MYOF: variants seen among roughly 807,000 people sequenced by gnomAD.
The protein encoded by MYOF is fer-1-like 3, myoferlin.
MYOF carries 244 observed loss-of-function variants against 284.2 expected under a neutral mutation model. That is an observed-to-expected ratio of 0.86 (90% CI 0.77 to 0.95). The LOEUF is 0.95. Ranked by LOEUF, MYOF falls within the 40% of genes least tolerant of loss-of-function variation. MYOF has a pLI of 0.00. For synonymous variants in MYOF, 904 were observed against 919.7 expected, an observed-to-expected ratio of 0.98 and a Z score of 0.31; for missense variants, 2,496 against 2,560.6, an observed-to-expected ratio of 0.97 and a Z score of 0.54.
chr10:93,388,849 A>C (rs987908593), intron 18 of MYOF, among the ~76,000 whole-genome samples, 181 bp downstream of exon 18: 1 of 152,226 alleles, frequency 6.6e-6, no homozygotes, highest in African/African-American at 2.4e-5. Flanking sequence ...AGTTGGGGGA[A>C]ATGGCCATTG....
rs1844764203 is a variant in MYOF at position 93,355,682 on chromosome 10, T to C, written c.3349A>G (p.Ser1117Gly). Residue 1117 changes from serine to glycine, a missense_variant, in exon 31 of 54, where the codon AGT becomes GGT. Coordinates refer to ENST00000359263, the MANE Select transcript of MYOF (RefSeq NM_013451.4). ...DEKSLEKQKH[S>G]ATTVFGANTP... ...TTTGCTCCGAACACAGTGGTGGCAC[T>C]GTGCTTCTGTTTCTCCAGGCTCTTC... The C allele has an allele frequency of 6.2e-7, 1 of 1,613,378 alleles. No individual in the cohort carries two copies. Among genetic ancestry groups the C allele is most frequent in the African/African-American group, 1.3e-5 (1 of 75,042 alleles).
intron 3 of MYOF, among the ~76,000 whole-genome samples, chr10:93,437,402 G>T (rs1290554128): frequency 1.3e-5 from 2 of 152,236 alleles, no homozygotes; most frequent in East Asian, 3.9e-4. Flanking sequence ...GGCTTTGCCG[G>T]CTGACTCTTA....
At chr10:93,424,929 A>T (rs374719344) in intron 5 of MYOF, among the ~76,000 whole-genome samples, 74 of 77,712 alleles carry the variant, frequency 9.5e-4, no homozygotes, top group East Asian at 6.3e-3. Flanking sequence ...GGAGAATTCC[A>T]TTTTTTTTTT....
intron 38 of MYOF, among the ~76,000 whole-genome samples, chr10:93,342,500 CTG>C (rs1317893432): frequency 2.0e-5 from 3 of 152,208 alleles, no homozygotes; most frequent in African/African-American, 4.8e-5. Context: ...GTGGGAATGA[CTG>C]ATACTACCAT....
chr10:93,378,455 T>C (rs1845943722), intron 21 of MYOF, among the ~76,000 whole-genome samples: 1 of 152,038 alleles, frequency 6.6e-6, no homozygotes, highest in Admixed American at 6.6e-5. Flanking sequence ...CCTATAGTTA[T>C]CCTCCCAGAT....
chr10:93,343,229 C>T (rs756974461), intron 38 of MYOF, among the ~76,000 whole-genome samples: 10 of 152,022 alleles, frequency 6.6e-5, no homozygotes, highest in Admixed American at 1.3e-4. Context: ...CCCTTTCCTT[C>T]GTGTAGAAGT....
At chr10:93,384,272 G>C (rs1440552705) in intron 19 of MYOF, among the ~76,000 whole-genome samples, 2 of 152,210 alleles carry the variant, frequency 1.3e-5, no homozygotes. Flanking sequence ...GTAGAGAGAG[G>C]AAGGAACAAT....
rs1012189805 is a variant in MYOF at position 93,329,736 on chromosome 10, G to T, written c.4910C>A (p.Thr1637Lys). Reference sequence around the variant, plus strand: ...GAATCGGTTTTCCAGATCAATAATTGTTTCTCCTACTTTTTCATCCCGGGT... The same window carrying T: ...GAATCGGTTTTCCAGATCAATAATTTTTTCTCCTACTTTTTCATCCCGGGT... ...TFTRDEKVGE[T>K]IIDLENRFLS... The change falls in exon 44 of 54, where the codon ACA (threonine) becomes AAA (lysine). Residue 1637 changes from threonine to lysine, a missense_variant. Thr to Lys is a moderately conservative substitution (Grantham distance 78, BLOSUM62 -1). This residue lies in a region of MYOF where 2,436 missense variants were observed against 2,480.7 expected (regional missense o/e 0.98). Transcript: ENST00000359263. 7.4e-6 allele frequency: 12 copies of T among 1,614,098 alleles called. No homozygotes were observed. The highest frequency in any genetic ancestry group is 1.0e-5 in the Non-Finnish European group (12 of 1,180,048).
At chr10:93,426,021 T>A in intron 5 of MYOF, 50 bp downstream of exon 5, 1 of 1,513,834 alleles carries the variant, frequency 6.6e-7, no homozygotes, top group Non-Finnish European at 9.0e-7. Flanking sequence ...CTGTGTGTCT[T>A]TAGCAGCCTC....
intron 3 of MYOF, 42 bp downstream of exon 3, chr10:93,452,004 GAGAT>G (rs1319885851): frequency 3.1e-6 from 4 of 1,285,812 alleles, no homozygotes; most frequent in Non-Finnish European, 4.4e-6. Flanking sequence ...AAACAACAGT[GAGAT>G]AGTAATACCT....
chr10:93,433,887 C>A (rs150718561), intron 3 of MYOF, among the ~76,000 whole-genome samples: 326 of 152,294 alleles, frequency 2.1e-3, no homozygotes, highest in African/African-American at 7.6e-3. Flanking sequence ...TAGATTTTAA[C>A]GCTGGGGTCT....
At chr10:93,310,389 C>T in intron 52 of MYOF, 145 bp downstream of exon 52, 1 of 990,658 alleles carries the variant, frequency 1.0e-6, no homozygotes, top group African/African-American at 1.6e-5. Flanking sequence ...GAAGCCAGAT[C>T]ACCAACCTCT....
intron 36 of MYOF, among the ~76,000 whole-genome samples, chr10:93,349,079 C>T (rs1844380680): frequency 3.3e-5 from 5 of 152,156 alleles, no homozygotes; most frequent in African/African-American, 1.2e-4. Flanking sequence ...AAGGAAGGTT[C>T]TAGGTCTTCC....
At position 93,359,899 on chromosome 10, in the gene MYOF, A is replaced by G. The variant is rs1844988884; in HGVS notation, c.3054T>C (p.His1018=). 2 of 1,614,030 alleles carry G rather than the reference A, an allele frequency of 1.2e-6. No individual in the cohort carries two copies. Among genetic ancestry groups the G allele is most frequent in the South Asian group, 1.1e-5 (1 of 91,088 alleles). The change falls in exon 29 of 54, where the codon CAT becomes CAC. Residue 1018 remains histidine (H), a synonymous_variant. Coordinates refer to ENST00000359263, the MANE Select transcript of MYOF (RefSeq NM_013451.4). ...GTTTTCGGACCAGCCTTCGCCGTCT[A>G]TGAGTGTGGTACATTTTCTCTGCTG... ...WVAAEKMYHT[H]RRRRLVRKRK...
At chr10:93,452,331 T>G (rs1160465569) in intron 2 of MYOF, among the ~76,000 whole-genome samples, 190 bp from the exon 3 acceptor site, 3 of 151,992 alleles carry the variant, frequency 2.0e-5, no homozygotes, top group Non-Finnish European at 4.4e-5. Context: ...AAACCAGATG[T>G]CGACTTAGAG....
rs1353441209 is a variant in MYOF, at chr10:93,423,554, C to T, written c.433+2517G>A. ...AAAAAAAAAAAAAAAAAAAAAAAAGCCGAGTGCAGTGGTTTACGCCTGTAA... is the reference window on the plus strand; with the variant it reads ...AAAAAAAAAAAAAAAAAAAAAAAAGTCGAGTGCAGTGGTTTACGCCTGTAA... On this transcript the variant is annotated intron_variant, in intron 5 of 53. Transcript: ENST00000359263. Among the ~76,000 whole-genome samples, 3 of 121,598 alleles carry T rather than the reference C, an allele frequency of 2.5e-5. No homozygotes were observed. The East Asian group carries it at 7.0e-4, about 28-fold the overall frequency. The allele number at this position is 121,598 out of a possible 152,430, so 79.8% of individuals were successfully genotyped here. A position where few individuals can be genotyped will look rare whatever the true frequency, so the allele number is the denominator to read the frequency against.
rs116321139 is a variant in MYOF, at chr10:93,350,909, G to A, written c.3921+288C>T. ...GCATATACACCGTCATTCTCTTCTC[G>A]TCCATCTTCCCTCTCCCAGGTCTCC... On this transcript the variant is annotated intron_variant, in intron 35 of 53. Coordinates refer to ENST00000359263, the MANE Select transcript of MYOF (RefSeq NM_013451.4). Among the ~76,000 whole-genome samples the A allele has an allele frequency of 6.9e-3, 1,048 of 152,066 alleles. 10 individuals are homozygous for A. Among genetic ancestry groups the A allele is most frequent in the African/African-American group, 0.024 (995 of 41,466 alleles).
intron 1 of MYOF, among the ~76,000 whole-genome samples, chr10:93,479,204 G>A (rs556505909): frequency 1.1e-4 from 16 of 151,072 alleles, no homozygotes; most frequent in South Asian, 2.1e-4. Context: ...GCAGTGGTGC[G>A]ATCTCTGCTC....
intron 1 of MYOF, among the ~76,000 whole-genome samples, chr10:93,469,445 A>G (rs958607135): frequency 2.0e-5 from 3 of 151,952 alleles, no homozygotes; most frequent in East Asian, 1.9e-4. Flanking sequence ...AGCTTTCTAC[A>G]CTGTCAGTAC....
Sources: gnomAD v4.1 joint callset for allele counts (sites outside exome capture counted in the v4.1 genomes callset) on GRCh38, gnomAD v4.1.1 for gene constraint, gnomAD v4.1.1 regional missense constraint, MANE v1.5 for transcripts, NCBI Gene and HGNC (gene_info 2026-07-23, HGNC 2026-07-21) for gene names.